The following SIPA1L3 variants were observed in gnomAD, a reference collection of about 807,000 sequenced individuals.
SIPA1L3 encodes signal-induced proliferation-associated 1-like protein 3.
Under a neutral mutation model 150.1 loss-of-function variants are expected in SIPA1L3, and 59 were observed. That is an observed-to-expected ratio of 0.39 (90% CI 0.32 to 0.49). The LOEUF (loss-of-function observed/expected upper bound fraction) is 0.49, where lower values mean the gene tolerates loss of function less well. SIPA1L3 is among the 20% of genes least tolerant of loss of function. SIPA1L3 has a pLI of 0.86. For missense variants in SIPA1L3, 2,211 were observed against 2,489.5 expected (o/e 0.89, Z 2.38); for synonymous variants, 1,070 against 1,077.6 (o/e 0.99, Z 0.14).
At chr19:38,204,325 G>A in intron 21 of SIPA1L3, 117 bp downstream of exon 21, 1 of 724,022 alleles carries the variant, frequency 1.4e-6, no homozygotes, top group Non-Finnish European at 2.3e-6. Flanking sequence ...CACACCTCCT[G>A]TGTTTGAGTG....
intron 1 of SIPA1L3, among the ~76,000 whole-genome samples, chr19:38,019,124 C>T (rs767877034): frequency 2.6e-5 from 4 of 152,160 alleles, no homozygotes; most frequent in East Asian, 3.8e-4. Flanking sequence ...GCAAGACTAC[C>T]GGCTCATTTG....
chr19:37,974,358 A>G (rs1021086505), intron 1 of SIPA1L3, among the ~76,000 whole-genome samples: 3 of 152,006 alleles, frequency 2.0e-5, no homozygotes, highest in Non-Finnish European at 2.9e-5. Context: ...CATCTCTACA[A>G]AAAAATTAGC....
At chr19:37,949,340 C>T (rs1435100250) in intron 1 of SIPA1L3, among the ~76,000 whole-genome samples, 4 of 152,164 alleles carry the variant, frequency 2.6e-5, no homozygotes, top group African/African-American at 7.2e-5. Flanking sequence ...CCATCCCACC[C>T]GTGCCTGTGT....
intron 1 of SIPA1L3, among the ~76,000 whole-genome samples, chr19:37,916,680 C>A (rs2046417579): frequency 6.6e-6 from 1 of 151,806 alleles, no homozygotes; most frequent in Non-Finnish European, 1.5e-5. Flanking sequence ...TAACGTGGGG[C>A]CGAGCGCGGT....
At chr19:38,129,027 G>A (rs1188578975) in intron 9 of SIPA1L3, among the ~76,000 whole-genome samples, 1 of 152,152 alleles carries the variant, frequency 6.6e-6, no homozygotes, top group African/African-American at 2.4e-5. Context: ...AAGCCATTCC[G>A]TTATCTTTCC....
intron 1 of SIPA1L3, among the ~76,000 whole-genome samples, chr19:37,958,863 A>C (rs1398672004): frequency 6.6e-6 from 1 of 152,252 alleles, no homozygotes; most frequent in South Asian, 2.1e-4. Context: ...CCAATATAGA[A>C]CATGGGCAAA....
intron 2 of SIPA1L3, among the ~76,000 whole-genome samples, chr19:38,052,855 T>C (rs941036): frequency 0.4 from 61,538 of 152,062 alleles, 14,013 homozygotes; most frequent in African/African-American, 0.62. Context: ...ACACTCAGAG[T>C]GGACACTGCC....
At chr19:38,073,635 T>G (rs1231414379) in intron 2 of SIPA1L3, among the ~76,000 whole-genome samples, 1 of 152,094 alleles carries the variant, frequency 6.6e-6, no homozygotes, top group Non-Finnish European at 1.5e-5. Flanking sequence ...CACAATTCAC[T>G]GAGGATGTAC....
chr19:38,091,742 C>T (rs1023411774), intron 4 of SIPA1L3, among the ~76,000 whole-genome samples: 2 of 152,100 alleles, frequency 1.3e-5, no homozygotes, highest in Non-Finnish European at 2.9e-5. Context: ...TCAGTGCTAG[C>T]GTTTGTGTTT....
chr19:37,969,850 G>A lies in SIPA1L3; in HGVS notation c.-378-59239G>A, dbSNP rs370408706. Among the ~76,000 whole-genome samples the A allele has an allele frequency of 3.9e-5, 6 of 152,180 alleles. No homozygotes were observed. In the South Asian group the frequency reaches 6.2e-4, roughly 16 times the overall value. On this transcript the variant is annotated intron_variant, in intron 1 of 21. Coordinates refer to ENST00000222345, the MANE Select transcript of SIPA1L3 (RefSeq NM_015073.3). ...GACTGTCCTGAATGTAAACTAGGCC[G>A]CTTGTTATTCCTGCTTGGCAAAGCT...
chr19:38,129,347 C>T (rs778731367), intron 9 of SIPA1L3, among the ~76,000 whole-genome samples: 6 of 151,938 alleles, frequency 3.9e-5, no homozygotes, highest in South Asian at 2.1e-4. Flanking sequence ...GTCACGAGGC[C>T]GGGCATGGTG....
intron 8 of SIPA1L3, among the ~76,000 whole-genome samples, chr19:38,113,783 G>T (rs901887825): frequency 1.3e-5 from 2 of 152,102 alleles, no homozygotes; most frequent in Non-Finnish European, 2.9e-5. Context: ...AATGTTGCAG[G>T]CACTGAAAAA....
chr19:38,044,462 G>T (rs1969004371), intron 2 of SIPA1L3, among the ~76,000 whole-genome samples: 1 of 152,178 alleles, frequency 6.6e-6, no homozygotes, highest in African/African-American at 2.4e-5. Flanking sequence ...AGTGAGGAGG[G>T]AGGAGACCTG....
chr19:37,909,998 C>T (rs563027065), intron 1 of SIPA1L3, among the ~76,000 whole-genome samples: 26 of 147,516 alleles, frequency 1.8e-4, no homozygotes, highest in Non-Finnish European at 3.3e-4. Flanking sequence ...AAAAGCAGCA[C>T]GTGGCTTTTT....
intron 1 of SIPA1L3, among the ~76,000 whole-genome samples, chr19:37,963,670 A>T (rs2046878982): frequency 6.6e-6 from 1 of 152,252 alleles, no homozygotes. Context: ...GGGTAGTTAT[A>T]TGCCTTTGGT....
intron 10 of SIPA1L3, among the ~76,000 whole-genome samples, chr19:38,138,594 G>GTCT (rs1971489765): frequency 3.8e-4 from 8 of 21,106 alleles, no homozygotes; most frequent in Admixed American, 3.0e-3. Flanking sequence ...CCTCCCACAG[G>GTCT]GGGTTTTCGA....
chr19:38,158,182 G>A (rs1363884758), intron 13 of SIPA1L3, among the ~76,000 whole-genome samples: 2 of 152,144 alleles, frequency 1.3e-5, no homozygotes, highest in East Asian at 1.9e-4. Context: ...GCAGTGAGCC[G>A]AGATTGTGCC....
intron 2 of SIPA1L3, among the ~76,000 whole-genome samples, chr19:38,050,471 C>A (rs544775708): frequency 1.4e-3 from 218 of 152,236 alleles, no homozygotes; most frequent in African/African-American, 4.4e-3. Context: ...ACAACAACAA[C>A]AAAAAAACAG....
At chr19:38,148,261 G>A (rs1971742954) in intron 12 of SIPA1L3, among the ~76,000 whole-genome samples, 1 of 151,482 alleles carries the variant, frequency 6.6e-6, no homozygotes, top group South Asian at 2.1e-4. Context: ...TGAGGCAGGA[G>A]AATCACTTGA....
Sources: gnomAD v4.1 joint callset for allele counts (sites outside exome capture counted in the v4.1 genomes callset) on GRCh38, gnomAD v4.1.1 for gene constraint, MANE v1.5 for transcripts, NCBI Gene and HGNC (gene_info 2026-07-23, HGNC 2026-07-21) for gene names.